PRIM2: variants seen among roughly 807,000 people sequenced by gnomAD.
PRIM2 encodes DNA primase subunit 2, also known as DNA primase large subunit.
In PRIM2, 39 loss-of-function variants were observed where a neutral mutation model predicts 67.3. That is an observed-to-expected ratio of 0.58 (90% CI 0.45 to 0.76). The LOEUF is 0.76. Ranked by LOEUF, PRIM2 falls within the 30% of genes least tolerant of loss-of-function variation. PRIM2 has a pLI of 0.00. For synonymous variants in PRIM2, 143 were observed against 198.7 expected, an observed-to-expected ratio of 0.72 and a Z score of 2.36; for missense variants, 398 against 598.7, an observed-to-expected ratio of 0.66 and a Z score of 3.50.
At chr6:57,257,222 TAAAAGAA>T in the PRIM2 span, among the ~76,000 whole-genome samples, 11 of 150,990 alleles carry the variant, frequency 7.3e-5, no homozygotes, top group African/African-American at 2.7e-4. Context: ...TTTTTTATCT[TAAAAGAA>T]AAAAGAAAAT....
chr6:57,544,343 T>C (rs1775242797), intron 10 of PRIM2, among the ~76,000 whole-genome samples: 1 of 152,080 alleles, frequency 6.6e-6, no homozygotes, highest in Non-Finnish European at 1.5e-5. Flanking sequence ...GGGTTTGGCG[T>C]GTTTCTGGTC....
intron 12 of PRIM2, among the ~76,000 whole-genome samples, chr6:57,608,964 T>C (rs1365738322): frequency 3.3e-5 from 5 of 152,224 alleles, no homozygotes; most frequent in Non-Finnish European, 1.5e-5. Context: ...CTCTTAACAT[T>C]TGTTACACTT....
chr6:57,237,444 C>T, the PRIM2 span, among the ~76,000 whole-genome samples: 1 of 152,140 alleles, frequency 6.6e-6, no homozygotes, highest in African/African-American at 2.4e-5. Flanking sequence ...TCAATTTTGG[C>T]TTTTGTTGCC....
the PRIM2 span, among the ~76,000 whole-genome samples, chr6:57,263,082 A>G: frequency 4.5e-4 from 69 of 152,312 alleles, no homozygotes; most frequent in Non-Finnish European, 8.8e-4. Context: ...TGGATTCTCA[A>G]TGGTTGATGA....
chr6:57,329,594 C>T (rs932062014), intron 5 of PRIM2, among the ~76,000 whole-genome samples: 9 of 152,088 alleles, frequency 5.9e-5, no homozygotes, highest in African/African-American at 2.2e-4. Flanking sequence ...AATAAGTTCT[C>T]ACTAGATCTG....
At chr6:57,339,269 G>A (rs1386261053) in intron 5 of PRIM2, among the ~76,000 whole-genome samples, 20 of 152,158 alleles carry the variant, frequency 1.3e-4, no homozygotes, top group Admixed American at 2.6e-4. Flanking sequence ...TCGTGAAAAC[G>A]GCCATACTGC....
intron 10 of PRIM2, among the ~76,000 whole-genome samples, chr6:57,600,190 C>T (rs1273963719): frequency 9.9e-5 from 15 of 152,120 alleles, no homozygotes; most frequent in Non-Finnish European, 2.1e-4. Flanking sequence ...CTTTTGTTCT[C>T]CTGTCTGACT....
Position 57,617,584 on chromosome 6 carries a change from T to C in PRIM2, c.1230+11127T>C, listed in dbSNP as rs1402575002. 7.2e-5 allele frequency among the ~76,000 whole-genome samples: 11 copies of C among 152,354 alleles called. No individual in the cohort carries two copies. In the East Asian group the frequency reaches 1.9e-3, roughly 27 times the overall value. Reference sequence around the variant, plus strand: ...TGAAGAAATGTCTATCCAATTCCTTTGTCTATTTTTGAATTGGGTTGTCTT... The same window carrying C: ...TGAAGAAATGTCTATCCAATTCCTTCGTCTATTTTTGAATTGGGTTGTCTT... On this transcript the variant is annotated intron_variant, in intron 12 of 13. Transcript: ENST00000615550.
At chr6:57,341,211 C>T (rs1322371475) in intron 5 of PRIM2, among the ~76,000 whole-genome samples, 3 of 152,046 alleles carry the variant, frequency 2.0e-5, no homozygotes, top group African/African-American at 7.2e-5. Flanking sequence ...TTTTCTAGTT[C>T]AGTGATTCTC....
the PRIM2 span, among the ~76,000 whole-genome samples, chr6:57,282,009 A>G: frequency 6.6e-6 from 1 of 152,148 alleles, no homozygotes; most frequent in Non-Finnish European, 1.5e-5. Context: ...GGAAAATACC[A>G]TGTGCTGGCA....
the PRIM2 span, among the ~76,000 whole-genome samples, chr6:57,299,031 C>T: frequency 1.2e-4 from 18 of 152,002 alleles, no homozygotes; most frequent in South Asian, 3.1e-3. Context: ...CTACTGTGGA[C>T]GATTCTCTCT....
At chr6:57,351,481 A>G (rs1768854660) in intron 5 of PRIM2, among the ~76,000 whole-genome samples, 1 of 152,144 alleles carries the variant, frequency 6.6e-6, no homozygotes, top group Admixed American at 6.5e-5. Flanking sequence ...GAGGATGTGA[A>G]CTATATTAGT....
At chr6:57,447,674 A>T (rs1264356688) in intron 7 of PRIM2, among the ~76,000 whole-genome samples, 1 of 152,208 alleles carries the variant, frequency 6.6e-6, no homozygotes, top group African/African-American at 2.4e-5. Context: ...AGGCAGAGTA[A>T]ATTTGTATAC....
intron 7 of PRIM2, among the ~76,000 whole-genome samples, chr6:57,455,647 T>TGAG (rs1772744449): frequency 6.6e-6 from 1 of 152,180 alleles, no homozygotes; most frequent in East Asian, 1.9e-4. Flanking sequence ...TGGTAGATCT[T>TGAG]CCTCCATCCC....
At chr6:57,262,242 G>A in the PRIM2 span, among the ~76,000 whole-genome samples, 1 of 152,174 alleles carries the variant, frequency 6.6e-6, no homozygotes, top group Non-Finnish European at 1.5e-5. Flanking sequence ...AAAGTGGAAA[G>A]GGGATAATGA....
chr6:57,269,146 C>T, the PRIM2 span, among the ~76,000 whole-genome samples: 1 of 152,072 alleles, frequency 6.6e-6, no homozygotes, highest in African/African-American at 2.4e-5. Flanking sequence ...TGGGTATATA[C>T]CCAGTAATGG....
intron 5 of PRIM2, among the ~76,000 whole-genome samples, chr6:57,378,185 CAAGTAGCTG>C (rs1769835368): frequency 6.6e-6 from 1 of 151,658 alleles, no homozygotes; most frequent in Non-Finnish European, 1.5e-5. Flanking sequence ...CTTAGCCTCC[CAAGTAGCTG>C]AGATAACAAG....
chr6:57,348,424 A>C (rs1768748354), intron 5 of PRIM2, among the ~76,000 whole-genome samples: 1 of 152,206 alleles, frequency 6.6e-6, no homozygotes, highest in Non-Finnish European at 1.5e-5. Context: ...TCATTATTTT[A>C]ATAGGCCAGG....
At chr6:57,291,841 G>A in the PRIM2 span, among the ~76,000 whole-genome samples, 2 of 152,192 alleles carry the variant, frequency 1.3e-5, no homozygotes, top group East Asian at 1.9e-4. Context: ...TTGATGGGAC[G>A]TATCTCAAAA....
Sources: allele counts gnomAD v4.1 joint callset (sites outside exome capture counted in the v4.1 genomes callset), GRCh38; gene constraint gnomAD v4.1.1; transcripts MANE v1.5; gene names NCBI Gene and HGNC (gene_info 2026-07-23, HGNC 2026-07-21).